FBXO8: variants seen among roughly 807,000 people sequenced by gnomAD.
FBXO8 encodes the protein F-box only protein 8.
In FBXO8, 15 loss-of-function variants were observed where a neutral mutation model predicts 33.4. The observed-to-expected ratio is 0.45, with a 90% CI of 0.30 to 0.69. The LOEUF (loss-of-function observed/expected upper bound fraction) is 0.69. FBXO8 is among the 30% of genes least tolerant of loss of function. The pLI is 0.08. For synonymous variants in FBXO8, 132 were observed against 131.5 expected (o/e 1.00, Z -0.02); for missense variants, 274 against 380.3 (o/e 0.72, Z 2.32).
In FBXO8 at chr4:174,254,441, G is replaced by C. The variant is rs1435911509; in HGVS notation, c.456+5258C>G. On this transcript the variant is annotated intron_variant, in intron 3 of 5. Coordinates refer to ENST00000393674, the MANE Select transcript of FBXO8 (RefSeq NM_012180.3). The surrounding 1 kb of genome is among the most constrained non-coding windows in gnomAD (Gnocchi z 4.2). ...AAAGTAAAAAGTATCTTAGTGGCCT[G>C]TCAGCTTTCATTAGGAATACTTCTG... 6.6e-6 allele frequency among the ~76,000 whole-genome samples: 1 copy of C among 152,150 alleles called. No homozygotes were observed. Among genetic ancestry groups the C allele is most frequent in the Non-Finnish European group, 1.5e-5 (1 of 68,016 alleles).
At chr4:174,280,016 A>T (rs1441726546) in intron 1 of FBXO8, among the ~76,000 whole-genome samples, 1 of 152,092 alleles carries the variant, frequency 6.6e-6, no homozygotes, top group Non-Finnish European at 1.5e-5. Context: ...ATTAAAAAAA[A>T]ATTGTGCATC....
intron 1 of FBXO8, among the ~76,000 whole-genome samples, chr4:174,269,353 C>A (rs1439571896): frequency 2.0e-5 from 3 of 151,752 alleles, no homozygotes; most frequent in African/African-American, 7.3e-5. Context: ...AACCCCAAAG[C>A]AATCGCAACT....
chr4:174,242,517 A>C (rs1046754231), intron 3 of FBXO8, among the ~76,000 whole-genome samples: 1 of 151,586 alleles, frequency 6.6e-6, no homozygotes, highest in Non-Finnish European at 1.5e-5. Flanking sequence ...TTTTCATGTG[A>C]ATTTTAATAA....
At chr4:174,276,651 T>G (rs1736967941) in intron 1 of FBXO8, among the ~76,000 whole-genome samples, 1 of 142,356 alleles carries the variant, frequency 7.0e-6, no homozygotes, top group Non-Finnish European at 1.6e-5. Context: ...TGTAGATCTT[T>G]GGTTTTTAAA....
chr4:174,244,734 C>T (rs1328702944), intron 3 of FBXO8, among the ~76,000 whole-genome samples: 1 of 151,350 alleles, frequency 6.6e-6, no homozygotes, highest in Non-Finnish European at 1.5e-5. Context: ...AAACTACTGG[C>T]CAAAATATAT....
rs1401030696 is a variant in FBXO8, at chr4:174,237,020, T to C, written c.*392A>G. On this transcript the variant is annotated 3_prime_UTR_variant, in exon 6 of 6. Coordinates refer to ENST00000393674, the MANE Select transcript of FBXO8 (RefSeq NM_012180.3). The surrounding 1 kb of genome is among the most constrained non-coding windows in gnomAD (Gnocchi z 4.4). ...TAAAATCTTTACAATAAAATAATTA[T>C]GACTATAAATCTCTTTAGTTAAATA... 2 of 154,642 alleles carry C rather than the reference T, an allele frequency of 1.3e-5. No homozygotes were observed. Among genetic ancestry groups the C allele is most frequent in the African/African-American group, 4.8e-5 (2 of 41,564 alleles). The allele number at this position is 154,642 out of a possible 1,614,324, so 9.6% of individuals were successfully genotyped here.
In FBXO8 at chr4:174,274,976, T is replaced by A. The variant is rs1180332850; in HGVS notation, c.-9+8434A>T. Among the ~76,000 whole-genome samples the A allele has an allele frequency of 6.6e-6, 1 of 152,182 alleles. No homozygotes were observed. The highest frequency in any genetic ancestry group is 1.5e-5 in the Non-Finnish European group (1 of 68,032). On this transcript the variant is annotated intron_variant, in intron 1 of 5. Coordinates refer to ENST00000393674, the MANE Select transcript of FBXO8 (RefSeq NM_012180.3). This position sits in a 1 kb window ranked among gnomAD's most constrained non-coding sequence, Gnocchi z 4.0. ...ATTCATCAAAATAAAAAATTTTTGCTCTTTGAAAGTCTATATTTGGAAGAT... is the reference window on the plus strand; with the variant it reads ...ATTCATCAAAATAAAAAATTTTTGCACTTTGAAAGTCTATATTTGGAAGAT...
In FBXO8 at chr4:174,263,617, T is replaced by C. The variant is rs961047702; in HGVS notation, c.-8-517A>G. Among the ~76,000 whole-genome samples the C allele has an allele frequency of 2.6e-5, 4 of 152,148 alleles. No homozygotes were observed. Among genetic ancestry groups the C allele is most frequent in the African/African-American group, 9.7e-5 (4 of 41,436 alleles). ...AATTCTTGCCAGTCTACACTTACAT[T>C]GTAGACTGTAATAAAATGTAACATA... On this transcript the variant is annotated intron_variant, in intron 1 of 5. Coordinates refer to ENST00000393674, the MANE Select transcript of FBXO8 (RefSeq NM_012180.3). This position sits in a 1 kb window ranked among gnomAD's most constrained non-coding sequence, Gnocchi z 4.2.
chr4:174,254,601 A>T lies in FBXO8; in HGVS notation c.456+5098T>A, dbSNP rs1453691561. Among the ~76,000 whole-genome samples the T allele has an allele frequency of 6.6e-6, 1 of 152,202 alleles. No homozygotes were observed. Among genetic ancestry groups the T allele is most frequent in the African/African-American group, 2.4e-5 (1 of 41,456 alleles). ...TCAATATGTACAGGCAGTTATTTGA[A>T]TTCAATATTGCTTTCAGGTTTATTG... On this transcript the variant is annotated intron_variant, in intron 3 of 5. Coordinates refer to ENST00000393674, the MANE Select transcript of FBXO8 (RefSeq NM_012180.3). The surrounding 1 kb of genome is among the most constrained non-coding windows in gnomAD (Gnocchi z 4.2).
In FBXO8 at chr4:174,237,497, G is replaced by GT; in HGVS notation, c.874dup (p.Thr292AsnfsTer9). The GT allele has an allele frequency of 6.2e-7, 1 of 1,613,774 alleles. No homozygotes were observed. The highest frequency in any genetic ancestry group is 8.5e-7 in the Non-Finnish European group (1 of 1,179,732). On this transcript the variant is annotated frameshift_variant, in exon 6 of 6. Transcript: ENST00000393674. LOFTEE classifies it high-confidence loss of function. The surrounding 1 kb of genome is among the most constrained non-coding windows in gnomAD (Gnocchi z 4.4). ...ACTAATATTTTGAGCAGCGCGACGG[G>GT]TATTTCGAATAAATTCCCTTTTTGA...
rs560178060 is a variant in FBXO8, at chr4:174,262,333, CAG to C, written c.329+429_329+430del. 6.2e-4 allele frequency among the ~76,000 whole-genome samples: 94 copies of C among 152,160 alleles called. No homozygotes were observed. The highest frequency in any genetic ancestry group is 2.2e-3 in the African/African-American group (90 of 41,532). On this transcript the variant is annotated intron_variant, in intron 2 of 5. Transcript: ENST00000393674. The surrounding 1 kb of genome is among the most constrained non-coding windows in gnomAD (Gnocchi z 4.6). ...GGCTCTATATGAAGAAAATTAAAAA[CAG>C]TAACATTTGAGGACTATTCATTGAT... is the stretch of plus-strand genomic sequence containing the variant.
chr4:174,268,622 G>C (rs1736755625), intron 1 of FBXO8, among the ~76,000 whole-genome samples: 1 of 151,864 alleles, frequency 6.6e-6, no homozygotes, highest in Non-Finnish European at 1.5e-5. Context: ...TTTTTTAGTA[G>C]AGACGGGGTT....
In FBXO8 at chr4:174,239,056, T is replaced by A; in HGVS notation, c.710A>T (p.Lys237Met). ...GCAAGCACAGAATCTATGTGAGAAC[T>A]TTGTTATAAGAGTTTCAAGATACTC... The part of the protein sequence containing the change: ...RGEYLETLIT[K>M]FSHRFCACNP... Residue 237 changes from lysine to methionine, a missense_variant, in exon 5 of 6, where the codon AAG becomes ATG. Around this residue, in one of 2 missense-constraint regions of FBXO8, gnomAD observed 186 missense variants for 293.4 expected, o/e 0.63. Transcript: ENST00000393674. 1 of 1,605,972 alleles carries A rather than the reference T, an allele frequency of 6.2e-7. No individual in the cohort carries two copies. The highest frequency in any genetic ancestry group is 8.5e-7 in the Non-Finnish European group (1 of 1,175,534).
In FBXO8 at chr4:174,257,918, G is replaced by T. The variant is rs537639599; in HGVS notation, c.456+1781C>A. 5.3e-5 allele frequency among the ~76,000 whole-genome samples: 8 copies of T among 152,054 alleles called. No individual in the cohort carries two copies. The East Asian group carries it at 7.7e-4, about 15-fold the overall frequency. On this transcript the variant is annotated intron_variant, in intron 3 of 5. Transcript: ENST00000393674. This position sits in a 1 kb window ranked among gnomAD's most constrained non-coding sequence, Gnocchi z 4.3. ...TTTTTAAAAATTTTTTGTGGAGACA[G>T]GACCTCCCTATGTTGTCCAGGCTGG...
At position 174,267,409 on chromosome 4, in the gene FBXO8, C is replaced by T. The variant is rs984553812; in HGVS notation, c.-8-4309G>A. Among the ~76,000 whole-genome samples the T allele has an allele frequency of 3.3e-5, 5 of 151,938 alleles. No homozygotes were observed. Among genetic ancestry groups the T allele is most frequent in the African/African-American group, 9.7e-5 (4 of 41,366 alleles). On this transcript the variant is annotated intron_variant, in intron 1 of 5. Coordinates refer to ENST00000393674, the MANE Select transcript of FBXO8 (RefSeq NM_012180.3). This position sits in a 1 kb window ranked among gnomAD's most constrained non-coding sequence, Gnocchi z 4.7. ...AAATACAAAAAAAGTTAGCTAGGTG[C>T]GATGGTGCATACCTGTAGTCCTATC...
In FBXO8 at chr4:174,241,240, A is replaced by G; in HGVS notation, c.457-22T>C. On this transcript the variant is annotated intron_variant, in intron 3 of 5. Coordinates refer to ENST00000393674, the MANE Select transcript of FBXO8 (RefSeq NM_012180.3). This position sits in a 1 kb window ranked among gnomAD's most constrained non-coding sequence, Gnocchi z 4.2. The stretch of plus-strand genomic sequence containing the variant: ...CTCCCTAAGGCAGAAAGACAAGTCT[A>G]CATAAATAAAATTGCTCTTTATTTA... 1 of 1,415,534 alleles carries G rather than the reference A, an allele frequency of 7.1e-7. No homozygotes were observed. The allele number at this position is 1,415,534 out of a possible 1,614,324, so 87.7% of individuals were successfully genotyped here.
rs562200505 is a variant in FBXO8 at position 174,276,617 on chromosome 4, T to C, written c.-9+6793A>G. Among the ~76,000 whole-genome samples the C allele has an allele frequency of 3.3e-5, 5 of 152,340 alleles. No individual in the cohort carries two copies. In the East Asian group the frequency reaches 9.6e-4, roughly 29 times the overall value. On this transcript the variant is annotated intron_variant, in intron 1 of 5. Transcript: ENST00000393674. ...TTTTTTGAGAGGGAGTCTCGCTCTGTCAACAGACTGGAGTGCAGTGGCGTG... is the reference window on the plus strand; with the variant it reads ...TTTTTTGAGAGGGAGTCTCGCTCTGCCAACAGACTGGAGTGCAGTGGCGTG...
rs1382944386 is a variant in FBXO8 at position 174,253,116 on chromosome 4, C to T, written c.456+6583G>A. 3.9e-5 allele frequency among the ~76,000 whole-genome samples: 6 copies of T among 152,124 alleles called. No homozygotes were observed. Among genetic ancestry groups the T allele is most frequent in the Non-Finnish European group, 8.8e-5 (6 of 68,018 alleles). On this transcript the variant is annotated intron_variant, in intron 3 of 5. Coordinates refer to ENST00000393674, the MANE Select transcript of FBXO8 (RefSeq NM_012180.3). The surrounding 1 kb of genome is among the most constrained non-coding windows in gnomAD (Gnocchi z 4.5). ...AAAGAATCCATATTCAACTCTGGAC[C>T]CTAGGAATGAGCCAGCCACACAACT...
chr4:174,253,210 G>T lies in FBXO8; in HGVS notation c.456+6489C>A, dbSNP rs771797955. Among the ~76,000 whole-genome samples the T allele has an allele frequency of 6.6e-6, 1 of 152,126 alleles. No individual in the cohort carries two copies. The highest frequency in any genetic ancestry group is 1.5e-5 in the Non-Finnish European group (1 of 68,008). On this transcript the variant is annotated intron_variant, in intron 3 of 5. Transcript: ENST00000393674. The surrounding 1 kb of genome is among the most constrained non-coding windows in gnomAD (Gnocchi z 4.5). Reference sequence around the variant, plus strand: ...TAAGCCTTGGCCATGTAGGCCCAGTGTGATTTTTAAAAAATTACTTTTATC... The same window carrying T: ...TAAGCCTTGGCCATGTAGGCCCAGTTTGATTTTTAAAAAATTACTTTTATC...
Sources: gnomAD v4.1 joint callset for allele counts (sites outside exome capture counted in the v4.1 genomes callset) on GRCh38, gnomAD v4.1.1 for gene constraint, gnomAD v4.1.1 regional missense constraint, Gnocchi (gnomAD v3.1) non-coding constraint, MANE v1.5 for transcripts, NCBI Gene and HGNC (gene_info 2026-07-23, HGNC 2026-07-21) for gene names.